Variants in MND1 observed in about 807,000 individuals in gnomAD.
MND1 encodes meiotic nuclear divisions 1, also known as meiotic nuclear division protein 1 homolog.
A neutral mutation model predicts 35.1 loss-of-function variants in MND1; 28 were observed. That is an observed-to-expected ratio of 0.80 (90% CI 0.59 to 1.09). MND1 has a LOEUF of 1.09. Ranked by LOEUF, MND1 falls within the 50% of genes least tolerant of loss-of-function variation. The pLI is 0.00. For synonymous variants in MND1, 69 were observed against 70.5 expected, an observed-to-expected ratio of 0.98 and a Z score of 0.11; for missense variants, 213 against 239.6, an observed-to-expected ratio of 0.89 and a Z score of 0.73.
At chr4:153,386,988 CTT>C (rs1028737517) in intron 4 of MND1, among the ~76,000 whole-genome samples, 10 of 152,094 alleles carry the variant, frequency 6.6e-5, no homozygotes, top group African/African-American at 2.2e-4. Flanking sequence ...AGCTTTGAGT[CTT>C]TTAAAACGAG....
At chr4:153,399,863 C>T (rs1041932406) in intron 6 of MND1, among the ~76,000 whole-genome samples, 1 of 147,822 alleles carries the variant, frequency 6.8e-6, no homozygotes, top group Admixed American at 6.8e-5. Context: ...AGAGAACAAA[C>T]CTGAAATTTT....
At chr4:153,385,709 C>T (rs1315568730) in intron 4 of MND1, among the ~76,000 whole-genome samples, 1 of 129,710 alleles carries the variant, frequency 7.7e-6, no homozygotes, top group Non-Finnish European at 1.6e-5. Flanking sequence ...GAGTGAGACC[C>T]TGTCTCAAAA....
chr4:153,401,990 A>G (rs969594582), intron 6 of MND1, among the ~76,000 whole-genome samples: 3 of 152,150 alleles, frequency 2.0e-5, no homozygotes, highest in African/African-American at 7.2e-5. Context: ...TGCTGTTTCT[A>G]TTAAAAATAC....
chr4:153,352,769 CACAACGATATT>C (rs1773248483), intron 2 of MND1, among the ~76,000 whole-genome samples: 1 of 119,488 alleles, frequency 8.4e-6, no homozygotes, highest in Non-Finnish European at 1.8e-5. Context: ...AAAAAAAAAA[CACAACGATATT>C]ATCTAGGATT....
chr4:153,362,382 G>A (rs1212287952), intron 4 of MND1, among the ~76,000 whole-genome samples: 1 of 152,114 alleles, frequency 6.6e-6, no homozygotes, highest in African/African-American at 2.4e-5. Flanking sequence ...GATAGTGAGT[G>A]AGTTCTCATG....
At chr4:153,361,884 T>C (rs1240075509) in intron 4 of MND1, among the ~76,000 whole-genome samples, 1 of 152,140 alleles carries the variant, frequency 6.6e-6, no homozygotes, top group Non-Finnish European at 1.5e-5. Context: ...TTAAGCTGTT[T>C]CCTGTTCCCT....
rs1348279688 is a variant in MND1 at position 153,382,950 on chromosome 4, GCTAA to G, written c.277-11309_277-11306del. 8.5e-5 allele frequency among the ~76,000 whole-genome samples: 13 copies of G among 152,226 alleles called. No homozygotes were observed. In the East Asian group the frequency reaches 2.1e-3, roughly 25 times the overall value. Reference sequence around the variant, plus strand: ...TGACATGATGGAGACTACTGAATAGGCTAACTTTTAGGCCCATTCTTTCCCAATG... The same window carrying G: ...TGACATGATGGAGACTACTGAATAGGCTTTTAGGCCCATTCTTTCCCAATG... On this transcript the variant is annotated intron_variant, in intron 4 of 7. Coordinates refer to ENST00000240488, the MANE Select transcript of MND1 (RefSeq NM_032117.4).
chr4:153,407,056 T>C (rs1729532380), intron 6 of MND1, among the ~76,000 whole-genome samples: 1 of 152,194 alleles, frequency 6.6e-6, no homozygotes, highest in South Asian at 2.1e-4. Flanking sequence ...CACCTCCCAC[T>C]GGGGTCCTCC....
At chr4:153,393,915 C>G (rs1430761956) in intron 4 of MND1, among the ~76,000 whole-genome samples, 8 of 73,014 alleles carry the variant, frequency 1.1e-4, no homozygotes, top group South Asian at 4.8e-4. Flanking sequence ...TAGTGTTTGA[C>G]TTTGTTTTCT....
intron 1 of MND1, 81 bp downstream of exon 1, chr4:153,344,821 C>T: frequency 3.2e-6 from 5 of 1,555,544 alleles, no homozygotes; most frequent in Non-Finnish European, 3.5e-6. Flanking sequence ...ATGTGGATCC[C>T]GGCCTGGCGT....
At chr4:153,380,085 A>ATTCTG (rs1728631511) in intron 4 of MND1, among the ~76,000 whole-genome samples, 2 of 81,294 alleles carry the variant, frequency 2.5e-5, no homozygotes, top group African/African-American at 9.2e-5. Context: ...GGTCTGTGGT[A>ATTCTG]TCATTCAAAA....
At position 153,344,742 on chromosome 4, in the gene MND1, T is replaced by A. The variant is rs924059660; in HGVS notation, c.3+2T>A. Reference sequence around the variant, plus strand: ...GGAAGCCCCTGCGCCCGCGCCATGGTAAGGACTGAGGCTACGGTCCCGCGT... The same window carrying A: ...GGAAGCCCCTGCGCCCGCGCCATGGAAAGGACTGAGGCTACGGTCCCGCGT... On this transcript the variant is annotated splice_donor_variant, in intron 1 of 7. Transcript: ENST00000240488. LOFTEE classifies it high-confidence loss of function. 5 of 1,599,896 alleles carry A rather than the reference T, an allele frequency of 3.1e-6. No homozygotes were observed. In the African/African-American group the frequency reaches 6.8e-5, roughly 22 times the overall value.
At chr4:153,345,516 G>T in intron 1 of MND1, 1 of 985,452 alleles carries the variant, frequency 1.0e-6, no homozygotes, top group South Asian at 4.7e-5. Flanking sequence ...GGTAAGATCG[G>T]CTTTGTGAGC....
intron 7 of MND1, among the ~76,000 whole-genome samples, chr4:153,410,455 G>A (rs1729650336): frequency 6.6e-6 from 1 of 152,024 alleles, no homozygotes; most frequent in African/African-American, 2.4e-5. Flanking sequence ...ACAGAGATAA[G>A]AGAGAAAGCA....
At chr4:153,390,919 A>G (rs74502911) in intron 4 of MND1, among the ~76,000 whole-genome samples, 7,024 of 124,658 alleles carry the variant, frequency 0.056, 186 homozygotes, top group South Asian at 0.13. Flanking sequence ...GTGTGTGTAT[A>G]TGTGTGTGTG....
intron 4 of MND1, among the ~76,000 whole-genome samples, chr4:153,387,747 C>T (rs1169166084): frequency 2.0e-5 from 3 of 151,884 alleles, no homozygotes; most frequent in Non-Finnish European, 4.4e-5. Flanking sequence ...GAGACCCTGT[C>T]ACAAAGCAAA....
chr4:153,370,612 C>A (rs947458025), intron 4 of MND1, among the ~76,000 whole-genome samples: 2 of 152,070 alleles, frequency 1.3e-5, no homozygotes, highest in Non-Finnish European at 2.9e-5. Flanking sequence ...CTCCGCCTCC[C>A]GGGTTCAGGT....
chr4:153,380,775 A>G (rs920931082), intron 4 of MND1, among the ~76,000 whole-genome samples: 2 of 152,168 alleles, frequency 1.3e-5, no homozygotes, highest in Admixed American at 6.5e-5. Context: ...CGACTCAAAG[A>G]TTGTGGGGGG....
chr4:153,397,162 T>C, intron 5 of MND1, 57 bp from the exon 6 acceptor site: 2 of 1,218,396 alleles, frequency 1.6e-6, no homozygotes, highest in Non-Finnish European at 2.3e-6. Context: ...ATGTATTACC[T>C]TACAACATAT....
Sources: allele counts gnomAD v4.1 joint callset (sites outside exome capture counted in the v4.1 genomes callset), GRCh38; gene constraint gnomAD v4.1.1; transcripts MANE v1.5; gene names NCBI Gene and HGNC (gene_info 2026-07-23, HGNC 2026-07-21).